Variants in MICU2 observed in about 807,000 individuals in gnomAD.
MICU2 encodes mitochondrial calcium uptake 2.
A neutral mutation model predicts 60.4 loss-of-function variants in MICU2; 64 were observed. The ratio of observed to expected loss-of-function variants is 1.06; its 90% confidence interval spans 0.87 to 1.31. The LOEUF is 1.31. Ranked by LOEUF, MICU2 falls within the 50% of genes most tolerant of loss-of-function variation. MICU2 has a pLI of 0.00. For missense variants in MICU2, 569 were observed against 531.0 expected, an observed-to-expected ratio of 1.07 and a Z score of -0.70; for synonymous variants, 201 against 175.0, an observed-to-expected ratio of 1.15 and a Z score of -1.17.
chr13:21,496,227 T>G, intron 9 of MICU2, 67 bp from the exon 10 acceptor site: 1 of 1,205,848 alleles, frequency 8.3e-7, no homozygotes, highest in South Asian at 1.3e-5. Context: ...ATGTTAACTA[T>G]GAACTTTCTT....
In MICU2 at chr13:21,507,517, A is replaced by C. The variant is rs1273658507; in HGVS notation, c.761+2487T>G. ...GTATGGTTTAAAATTTTGTTGAAAA[A>C]ATTGTTCTAGAGAGCTTAAATGACT... On this transcript the variant is annotated intron_variant, in intron 8 of 11. Coordinates refer to ENST00000382374, the MANE Select transcript of MICU2 (RefSeq NM_152726.3). Among the ~76,000 whole-genome samples, 7 of 152,148 alleles carry C rather than the reference A, an allele frequency of 4.6e-5. 1 individual carries two copies.
intron 1 of MICU2, among the ~76,000 whole-genome samples, chr13:21,585,580 A>G (rs1359434950): frequency 6.6e-6 from 1 of 152,220 alleles, no homozygotes; most frequent in African/African-American, 2.4e-5. Flanking sequence ...ATGGTCAGAC[A>G]GCTTGAAATA....
At chr13:21,574,951 C>T (rs1457982037) in intron 1 of MICU2, among the ~76,000 whole-genome samples, 1 of 152,198 alleles carries the variant, frequency 6.6e-6, no homozygotes, top group Non-Finnish European at 1.5e-5. Context: ...ACTGCATAAG[C>T]TATGCCTCAC....
chr13:21,597,153 A>G (rs1247269333), intron 1 of MICU2, among the ~76,000 whole-genome samples: 1 of 152,238 alleles, frequency 6.6e-6, no homozygotes, highest in Non-Finnish European at 1.5e-5. Context: ...AAATTGACCC[A>G]TCTTTAAACT....
intron 8 of MICU2, 27 bp from the exon 9 acceptor site, chr13:21,503,124 A>C (rs773613035): frequency 5.9e-6 from 9 of 1,537,102 alleles, no homozygotes; most frequent in Non-Finnish European, 8.0e-6. Context: ...AAAATTAGTA[A>C]GGTAACTAGT....
At chr13:21,498,545 A>C (rs1270749157) in intron 9 of MICU2, among the ~76,000 whole-genome samples, 1 of 151,924 alleles carries the variant, frequency 6.6e-6, no homozygotes, top group Non-Finnish European at 1.5e-5. Context: ...CGTCCGGCTA[A>C]TTTTTGTATT....
chr13:21,565,753 A>G (rs1887966215), intron 2 of MICU2, among the ~76,000 whole-genome samples: 1 of 152,194 alleles, frequency 6.6e-6, no homozygotes, highest in East Asian at 1.9e-4. Context: ...GAATTGCTTG[A>G]ACCCGGGAGG....
Position 21,520,046 on chromosome 13 carries a change from T to C in MICU2, c.597+1199A>G, listed in dbSNP as rs1593323415. 2.0e-5 allele frequency among the ~76,000 whole-genome samples: 3 copies of C among 152,344 alleles called. No homozygotes were observed. In the South Asian group the frequency reaches 6.2e-4, roughly 32 times the overall value. On this transcript the variant is annotated intron_variant, in intron 6 of 11. Coordinates refer to ENST00000382374, the MANE Select transcript of MICU2 (RefSeq NM_152726.3). ...CTCTCTCCTGGCCTCAGGCAACCAG[T>C]GATCTGCTTTTAGTAGGTAAGTCCC...
intron 4 of MICU2, among the ~76,000 whole-genome samples, chr13:21,525,593 CT>C (rs989578666): frequency 1.4e-3 from 207 of 144,280 alleles, no homozygotes; most frequent in Admixed American, 1.7e-3. Context: ...CTTGTATTTT[CT>C]TTTTTTTTTT....
intron 9 of MICU2, among the ~76,000 whole-genome samples, chr13:21,501,290 T>G (rs1886145035): frequency 6.6e-6 from 1 of 150,862 alleles, no homozygotes; most frequent in Non-Finnish European, 1.5e-5. Flanking sequence ...TGACACAGAG[T>G]CTTGCTCTGT....
At chr13:21,549,611 A>G (rs1887501956) in intron 2 of MICU2, among the ~76,000 whole-genome samples, 1 of 134,636 alleles carries the variant, frequency 7.4e-6, no homozygotes, top group Non-Finnish European at 1.7e-5. Context: ...TATTATTTAC[A>G]TATTTATTTG....
chr13:21,539,497 T>C (rs1380697919), intron 3 of MICU2, 120 bp from the exon 4 acceptor site: 3 of 1,266,694 alleles, frequency 2.4e-6, no homozygotes, highest in African/African-American at 3.0e-5. Context: ...GACACAGGGC[T>C]TCACTGTGTT....
At chr13:21,514,439 A>G in intron 6 of MICU2, 21 bp from the exon 7 acceptor site, 1 of 1,596,214 alleles carries the variant, frequency 6.3e-7, no homozygotes, top group Admixed American at 1.7e-5. Context: ...TACAAACATG[A>G]GTTTACATGT....
intron 4 of MICU2, among the ~76,000 whole-genome samples, chr13:21,535,364 C>T (rs757653376): frequency 6.6e-6 from 1 of 152,184 alleles, no homozygotes; most frequent in Non-Finnish European, 1.5e-5. Context: ...CAGTTTATAT[C>T]CACAGAGATT....
At chr13:21,580,690 T>G (rs752891241) in intron 1 of MICU2, among the ~76,000 whole-genome samples, 2 of 151,176 alleles carry the variant, frequency 1.3e-5, no homozygotes, top group African/African-American at 4.9e-5. Context: ...ATTGTTTAGA[T>G]AGTCTCTTAA....
chr13:21,506,118 T>C (rs1240429137), intron 8 of MICU2, among the ~76,000 whole-genome samples: 2 of 151,626 alleles, frequency 1.3e-5, no homozygotes, highest in African/African-American at 4.8e-5. Context: ...TCAACCTCCC[T>C]GGGCTCTGGT....
At chr13:21,496,348 G>A in intron 9 of MICU2, 188 bp from the exon 10 acceptor site, 2 of 529,570 alleles carry the variant, frequency 3.8e-6, no homozygotes, top group Non-Finnish European at 6.6e-6. Context: ...ACAGTGAGAA[G>A]GTGCTGTGTG....
At chr13:21,531,024 T>C (rs577130135) in intron 4 of MICU2, 12 of 865,000 alleles carry the variant, frequency 1.4e-5, no homozygotes, top group African/African-American at 4.9e-5. Context: ...CTGCAACTAT[T>C]TGAAAGGGAT....
intron 2 of MICU2, among the ~76,000 whole-genome samples, chr13:21,541,723 G>A (rs376858607): frequency 6.6e-6 from 1 of 152,056 alleles, no homozygotes; most frequent in African/African-American, 2.4e-5. Flanking sequence ...TGAATTCCAT[G>A]ACAGTAGTAA....
Sources: gnomAD v4.1 joint callset for allele counts (sites outside exome capture counted in the v4.1 genomes callset) on GRCh38, gnomAD v4.1.1 for gene constraint, MANE v1.5 for transcripts, NCBI Gene and HGNC (gene_info 2026-07-23, HGNC 2026-07-21) for gene names.